Variants in CTNNA3 observed in about 807,000 individuals in gnomAD.
The protein encoded by CTNNA3 is catenin alpha-3.
A neutral mutation model predicts 95.7 loss-of-function variants in CTNNA3; 76 were observed. The ratio of observed to expected loss-of-function variants is 0.79; its 90% CI spans 0.66 to 0.96. The LOEUF is 0.96. Ranked by LOEUF, CTNNA3 falls within the 40% of genes least tolerant of loss-of-function variation. CTNNA3 has a pLI of 0.00. For synonymous variants in CTNNA3, 431 were observed against 374.4 expected, an observed-to-expected ratio of 1.15 and a Z score of -1.74; for missense variants, 1,191 against 1,089.8, an observed-to-expected ratio of 1.09 and a Z score of -1.31.
At chr10:66,415,999 A>T (rs2093142849) in intron 11 of CTNNA3, among the ~76,000 whole-genome samples, 1 of 152,220 alleles carries the variant, frequency 6.6e-6, no homozygotes, top group Admixed American at 6.5e-5. Context: ...TAAAAATTCA[A>T]TTATTGATTC....
At chr10:67,756,898 A>T (rs1036007475) in intron 1 of CTNNA3, among the ~76,000 whole-genome samples, 1 of 148,810 alleles carries the variant, frequency 6.7e-6, no homozygotes, top group Admixed American at 6.7e-5. Context: ...ATGTAAAAAA[A>T]TATATATAAG....
chr10:67,736,111 A>G, intron 1 of CTNNA3, among the ~76,000 whole-genome samples: 1 of 152,196 alleles, frequency 6.6e-6, no homozygotes, highest in Non-Finnish European at 1.5e-5. Flanking sequence ...TTATTTAGCC[A>G]AAAAAAGAAT....
intron 12 of CTNNA3, among the ~76,000 whole-genome samples, chr10:66,354,314 T>C (rs1455796921): frequency 3.4e-5 from 5 of 146,550 alleles, no homozygotes; most frequent in African/African-American, 1.3e-4. Flanking sequence ...CTATGAACAC[T>C]AAAAAAAAAA....
intron 11 of CTNNA3, among the ~76,000 whole-genome samples, chr10:66,509,405 A>G (rs540791821): frequency 1.6e-4 from 24 of 151,932 alleles, no homozygotes; most frequent in African/African-American, 5.5e-4. Flanking sequence ...TGATTTGTCT[A>G]TTTTTGTTTT....
intron 7 of CTNNA3, among the ~76,000 whole-genome samples, chr10:66,923,197 T>G (rs765011828): frequency 1.3e-5 from 2 of 152,196 alleles, no homozygotes; most frequent in Non-Finnish European, 2.9e-5. Context: ...GTCTGAAAAC[T>G]AAGAGCAATG....
At chr10:67,741,346 C>CAAAAAAAAAAAAAAAAAAAAAAAGAAA (rs542236311) in intron 1 of CTNNA3, among the ~76,000 whole-genome samples, 2 of 128,550 alleles carry the variant, frequency 1.6e-5, no homozygotes, top group African/African-American at 2.8e-5. Context: ...AAAAAAAGAA[C>CAAAAAAAAAAAAAAAAAAAAAAAGAAA]AAAAAAAAAA....
At chr10:66,699,812 C>T (rs1014901788) in intron 9 of CTNNA3, among the ~76,000 whole-genome samples, 3 of 151,984 alleles carry the variant, frequency 2.0e-5, no homozygotes, top group Non-Finnish European at 4.4e-5. Context: ...GCTTGTGCCA[C>T]CACCCTGGCT....
At chr10:66,244,782 G>A (rs988017447) in intron 13 of CTNNA3, among the ~76,000 whole-genome samples, 3 of 152,128 alleles carry the variant, frequency 2.0e-5, no homozygotes, top group African/African-American at 7.2e-5. Flanking sequence ...GTACACACAA[G>A]GCAGACTGTG....
At chr10:67,169,760 A>G (rs1861932887) in intron 7 of CTNNA3, among the ~76,000 whole-genome samples, 1 of 152,206 alleles carries the variant, frequency 6.6e-6, no homozygotes, top group Non-Finnish European at 1.5e-5. Flanking sequence ...CAATCACAAC[A>G]AAAGCAAAAT....
intron 9 of CTNNA3, among the ~76,000 whole-genome samples, chr10:66,712,914 A>T (rs1050909371): frequency 7.9e-5 from 12 of 152,156 alleles, no homozygotes; most frequent in Non-Finnish European, 2.9e-5. Context: ...ATATGCCTAT[A>T]CTTATTTCCT....
chr10:66,441,675 C>G (rs574501645), intron 11 of CTNNA3, among the ~76,000 whole-genome samples: 2 of 152,266 alleles, frequency 1.3e-5, no homozygotes, highest in African/African-American at 2.4e-5. Context: ...GCAGACATAT[C>G]CATTGTATGC....
intron 13 of CTNNA3, among the ~76,000 whole-genome samples, chr10:66,164,518 G>GTT (rs535203586): frequency 3.6e-5 from 5 of 138,726 alleles, no homozygotes; most frequent in Admixed American, 2.2e-4. Context: ...TATGGACACT[G>GTT]TTTTTTTTTT....
At chr10:67,133,912 G>A (rs1860163200) in intron 7 of CTNNA3, among the ~76,000 whole-genome samples, 1 of 152,032 alleles carries the variant, frequency 6.6e-6, no homozygotes, top group South Asian at 2.1e-4. Flanking sequence ...TCAAACTACT[G>A]GACTCAAGTG....
At chr10:66,589,091 T>C (rs763621725) in intron 10 of CTNNA3, among the ~76,000 whole-genome samples, 6 of 152,070 alleles carry the variant, frequency 3.9e-5, no homozygotes, top group Non-Finnish European at 7.4e-5. Context: ...AAAATGTATC[T>C]TGTTTTTCTT....
intron 12 of CTNNA3, among the ~76,000 whole-genome samples, chr10:66,353,879 A>C (rs1325808920): frequency 7.9e-6 from 1 of 127,168 alleles, no homozygotes; most frequent in Non-Finnish European, 1.8e-5. Flanking sequence ...TCACTATGCA[A>C]ATGGGGAAAG....
At chr10:66,148,906 T>G (rs2084038790) in intron 13 of CTNNA3, among the ~76,000 whole-genome samples, 1 of 151,794 alleles carries the variant, frequency 6.6e-6, no homozygotes, top group Admixed American at 6.6e-5. Context: ...TTCAATAAGT[T>G]TTAAATAGAT....
At chr10:66,330,633 G>A (rs949677417) in intron 12 of CTNNA3, among the ~76,000 whole-genome samples, 3 of 152,032 alleles carry the variant, frequency 2.0e-5, no homozygotes, top group Non-Finnish European at 2.9e-5. Context: ...CTAGATTCCT[G>A]AGGAATCACC....
chr10:67,081,188 T>C (rs1857041205), intron 7 of CTNNA3, among the ~76,000 whole-genome samples: 1 of 152,170 alleles, frequency 6.6e-6, no homozygotes, highest in Middle Eastern at 3.2e-3. Context: ...TACAGATTAA[T>C]GTGGAAACAG....
chr10:67,643,940 G>A (rs1178985847), intron 2 of CTNNA3, among the ~76,000 whole-genome samples: 1 of 152,086 alleles, frequency 6.6e-6, no homozygotes, highest in African/African-American at 2.4e-5. Flanking sequence ...TCATTGATGG[G>A]CATCTGGGTT....
Sources: gnomAD v4.1 joint callset for allele counts (sites outside exome capture counted in the v4.1 genomes callset) on GRCh38, gnomAD v4.1.1 for gene constraint, MANE v1.5 for transcripts, NCBI Gene and HGNC (gene_info 2026-07-23, HGNC 2026-07-21) for gene names.